The following ABCD2 variants were observed in gnomAD, a reference collection of about 807,000 sequenced individuals.
ABCD2 encodes ATP-binding cassette sub-family D member 2.
In ABCD2, 36 loss-of-function variants were observed where a neutral mutation model predicts 70.9. That is an observed-to-expected ratio of 0.51 (90% CI 0.39 to 0.67). The LOEUF is 0.67. ABCD2 is among the 30% of genes least tolerant of loss of function. The pLI is 0.00. For missense variants in ABCD2, 729 were observed against 890.2 expected (o/e 0.82, Z 2.30); for synonymous variants, 304 against 306.9 (o/e 0.99, Z 0.10).
intron 8 of ABCD2, among the ~76,000 whole-genome samples, chr12:39,574,547 C>T (rs184141056): frequency 3.3e-4 from 50 of 152,134 alleles, no homozygotes; most frequent in Admixed American, 2.7e-3. Flanking sequence ...TCCTTTCTCC[C>T]TCTCATCTCA....
At chr12:39,609,767 C>G (rs193104844) in intron 2 of ABCD2, among the ~76,000 whole-genome samples, 730 of 152,184 alleles carry the variant, frequency 4.8e-3, no homozygotes, top group Middle Eastern at 0.017. Context: ...GATATTTTTA[C>G]TTTTTTTGCA....
At chr12:39,582,032 GCTAGT>G (rs1466499194) in intron 7 of ABCD2, among the ~76,000 whole-genome samples, 7 of 152,160 alleles carry the variant, frequency 4.6e-5, no homozygotes, top group African/African-American at 1.4e-4. Flanking sequence ...CAAAGGATTA[GCTAGT>G]CTAAACAGAA....
intron 2 of ABCD2, among the ~76,000 whole-genome samples, chr12:39,612,244 G>A (rs570092849): frequency 6.6e-6 from 1 of 152,242 alleles, no homozygotes; most frequent in South Asian, 2.1e-4. Context: ...TCACAGATAT[G>A]TATATACATA....
chr12:39,541,679 G>A, the ABCD2 span, among the ~76,000 whole-genome samples: 1 of 152,198 alleles, frequency 6.6e-6, no homozygotes, highest in Non-Finnish European at 1.5e-5. Flanking sequence ...GTGCACATGT[G>A]GAGCACGTGA....
At chr12:39,599,148 A>G (rs1016837060) in intron 6 of ABCD2, among the ~76,000 whole-genome samples, 6 of 152,238 alleles carry the variant, frequency 3.9e-5, no homozygotes, top group Non-Finnish European at 5.9e-5. Context: ...GCAAAGTAAC[A>G]TAGTCAAGTA....
At chr12:39,612,467 A>G (rs1942058426) in intron 2 of ABCD2, among the ~76,000 whole-genome samples, 1 of 152,226 alleles carries the variant, frequency 6.6e-6, no homozygotes, top group Non-Finnish European at 1.5e-5. Flanking sequence ...CAAAGAAGCT[A>G]GTCATAAAAG....
chr12:39,539,373 AG>A, the ABCD2 span, among the ~76,000 whole-genome samples: 1 of 152,194 alleles, frequency 6.6e-6, no homozygotes, highest in African/African-American at 2.4e-5. Flanking sequence ...GCTAATTGTA[AG>A]CTCAGTTAAT....
At chr12:39,582,761 T>A (rs1210868683) in intron 7 of ABCD2, among the ~76,000 whole-genome samples, 1 of 152,134 alleles carries the variant, frequency 6.6e-6, no homozygotes, top group Non-Finnish European at 1.5e-5. Context: ...TCAAATGAAA[T>A]AATGTATGTG....
At chr12:39,577,906 CT>C (rs1941541114) in intron 8 of ABCD2, among the ~76,000 whole-genome samples, 1 of 151,976 alleles carries the variant, frequency 6.6e-6, no homozygotes, top group African/African-American at 2.4e-5. Context: ...TACAATTTCT[CT>C]TTTTTGATGA....
chr12:39,556,854 G>T (rs1372410379), intron 9 of ABCD2, among the ~76,000 whole-genome samples: 2 of 151,814 alleles, frequency 1.3e-5, no homozygotes, highest in African/African-American at 4.8e-5. Context: ...CGTGAAGGCG[G>T]GTGCCTGTAA....
intron 9 of ABCD2, among the ~76,000 whole-genome samples, chr12:39,567,115 G>C (rs1298371083): frequency 6.6e-6 from 1 of 152,158 alleles, no homozygotes; most frequent in Non-Finnish European, 1.5e-5. Flanking sequence ...GTGTTGATTT[G>C]GTGTGGAGAG....
chr12:39,591,228 T>C (rs1941741740), intron 6 of ABCD2, among the ~76,000 whole-genome samples: 1 of 152,106 alleles, frequency 6.6e-6, no homozygotes, highest in African/African-American at 2.4e-5. Context: ...TTTTCATGCA[T>C]AGAAAGAACT....
intron 9 of ABCD2, among the ~76,000 whole-genome samples, chr12:39,557,880 G>A (rs1274677530): frequency 6.6e-6 from 1 of 152,226 alleles, no homozygotes; most frequent in Non-Finnish European, 1.5e-5. Flanking sequence ...TTGCTGCAGG[G>A]TCAGAGCCCT....
rs1941112854 is a variant in ABCD2, at chr12:39,553,216, G to A, written c.*696C>T. ...TGTTTGGATACTCCTTTTCTGTATT[G>A]GCAATTCTCTTTTTAAAATGAAAGG... On this transcript the variant is annotated 3_prime_UTR_variant, in exon 10 of 10. Coordinates refer to ENST00000308666, the MANE Select transcript of ABCD2 (RefSeq NM_005164.4). The A allele has an allele frequency of 6.6e-6, 1 of 151,676 alleles. No individual in the cohort carries two copies. Among genetic ancestry groups the A allele is most frequent in the Admixed American group, 6.6e-5 (1 of 15,216 alleles). 9.4% of individuals were successfully genotyped at this position (151,676 alleles called of 1,614,324 possible). A position where few individuals can be genotyped will look rare whatever the true frequency, so the allele number is the denominator to read the frequency against.
chr12:39,547,073 A>G (rs1183980232), downstream of ABCD2, among the ~76,000 whole-genome samples: 2 of 152,142 alleles, frequency 1.3e-5, no homozygotes, highest in Non-Finnish European at 2.9e-5. Context: ...CAAATGACCA[A>G]CAACATATGA....
At chr12:39,601,750 C>A (rs554664748) in intron 5 of ABCD2, among the ~76,000 whole-genome samples, 19 of 152,110 alleles carry the variant, frequency 1.2e-4, no homozygotes, top group African/African-American at 4.3e-4. Flanking sequence ...TACTGGACCT[C>A]AAAGATGAAA....
chr12:39,612,538 G>T (rs914864989), intron 2 of ABCD2, among the ~76,000 whole-genome samples: 2 of 152,138 alleles, frequency 1.3e-5, no homozygotes, highest in African/African-American at 4.8e-5. Flanking sequence ...ACTTGATAGT[G>T]AGGTCATTAT....
chr12:39,547,322 C>G (rs1176123472), downstream of ABCD2, among the ~76,000 whole-genome samples: 2 of 152,044 alleles, frequency 1.3e-5, no homozygotes, highest in Admixed American at 1.3e-4. Flanking sequence ...CAATTCACTT[C>G]TAGGTATATA....
intron 2 of ABCD2, among the ~76,000 whole-genome samples, chr12:39,610,702 T>A (rs1942033538): frequency 6.6e-6 from 1 of 152,230 alleles, no homozygotes; most frequent in African/African-American, 2.4e-5. Context: ...TGATAATTTC[T>A]GTCTTGCTTT....
Sources: gnomAD v4.1 joint callset for allele counts (sites outside exome capture counted in the v4.1 genomes callset) on GRCh38, gnomAD v4.1.1 for gene constraint, MANE v1.5 for transcripts, NCBI Gene and HGNC (gene_info 2026-07-23, HGNC 2026-07-21) for gene names.